Variants in ITGB5 observed in about 807,000 individuals in gnomAD.
ITGB5 encodes integrin beta-5.
Under a neutral mutation model 84.8 loss-of-function variants are expected in ITGB5, and 38 were observed. The ratio of observed to expected loss-of-function variants is 0.45; its 90% confidence interval spans 0.35 to 0.59. ITGB5 has a LOEUF of 0.59. ITGB5 is among the 20% of genes least tolerant of loss of function. The pLI is 0.01. For synonymous variants in ITGB5, 393 were observed against 414.4 expected, an observed-to-expected ratio of 0.95 and a Z score of 0.63; for missense variants, 905 against 1,034.5, an observed-to-expected ratio of 0.87 and a Z score of 1.72.
chr3:124,853,357 A>G (rs571097695), intron 3 of ITGB5, among the ~76,000 whole-genome samples: 2 of 152,262 alleles, frequency 1.3e-5, no homozygotes, highest in Admixed American at 1.3e-4. Context: ...CTAGAACCAA[A>G]TTATTGCCTC....
chr3:124,888,766 T>G (rs1318778920), upstream of ITGB5, among the ~76,000 whole-genome samples: 1 of 152,148 alleles, frequency 6.6e-6, no homozygotes, highest in East Asian at 1.9e-4. Context: ...GTCTCACCTT[T>G]GCAGGCCAGG....
intron 9 of ITGB5, 77 bp downstream of exon 9, chr3:124,808,945 G>T: frequency 6.7e-7 from 1 of 1,492,248 alleles, no homozygotes; most frequent in Non-Finnish European, 9.2e-7. Context: ...CTCTTAATAA[G>T]TCACAAAAGT....
intron 10 of ITGB5, among the ~76,000 whole-genome samples, chr3:124,781,562 T>G (rs1341359574): frequency 6.6e-6 from 1 of 152,174 alleles, no homozygotes; most frequent in Non-Finnish European, 1.5e-5. Context: ...GGATCTCAGC[T>G]TGGGTCCAGG....
intron 6 of ITGB5, 45 bp from the exon 7 acceptor site, chr3:124,819,879 G>T: frequency 7.3e-7 from 1 of 1,368,734 alleles, no homozygotes; most frequent in Non-Finnish European, 1.0e-6. Flanking sequence ...CCTAACAGGT[G>T]TAGATACCAG....
At chr3:124,831,830 A>C (rs1266272835) in intron 5 of ITGB5, among the ~76,000 whole-genome samples, 2 of 152,184 alleles carry the variant, frequency 1.3e-5, no homozygotes, top group Non-Finnish European at 2.9e-5. Context: ...CTGCTGGAAA[A>C]GATCCACCAC....
chr3:124,767,428 G>A (rs1168947110), intron 12 of ITGB5, among the ~76,000 whole-genome samples: 8 of 152,204 alleles, frequency 5.3e-5, no homozygotes, highest in African/African-American at 1.9e-4. Context: ...GGTAAATGAT[G>A]GATTGGAACA....
Position 124,859,232 on chromosome 3 carries a change from G to A in ITGB5, c.361+10C>T. On this transcript the variant is annotated intron_variant, in intron 3 of 14. Coordinates refer to ENST00000296181, the MANE Select transcript of ITGB5 (RefSeq NM_002213.5). ...CCCAGAGCATCCAGCCCTTTCTGTGGGCAACTCACCGGGCCGGAGGTTCAC... is the reference window on the plus strand; with the variant it reads ...CCCAGAGCATCCAGCCCTTTCTGTGAGCAACTCACCGGGCCGGAGGTTCAC... 6.2e-7 allele frequency: 1 copy of A among 1,612,034 alleles called. No individual in the cohort carries two copies. Among genetic ancestry groups the A allele is most frequent in the Non-Finnish European group, 8.5e-7 (1 of 1,178,904 alleles).
chr3:124,813,182 A>AAGCCC (rs1485275389), intron 8 of ITGB5, among the ~76,000 whole-genome samples: 1 of 152,200 alleles, frequency 6.6e-6, no homozygotes, highest in Admixed American at 6.5e-5. Flanking sequence ...AAGGAGCTTG[A>AAGCCC]AGCCCAGCCC....
chr3:124,807,559 G>A (rs1281283712), intron 9 of ITGB5, among the ~76,000 whole-genome samples: 3 of 152,180 alleles, frequency 2.0e-5, no homozygotes, highest in African/African-American at 7.2e-5. Flanking sequence ...CCAGTCATAA[G>A]AGGCTTTCAT....
At chr3:124,781,569 C>T (rs2064005382) in intron 10 of ITGB5, among the ~76,000 whole-genome samples, 1 of 152,160 alleles carries the variant, frequency 6.6e-6, no homozygotes, top group Non-Finnish European at 1.5e-5. Context: ...AGCTTGGGTC[C>T]AGGCACCTCA....
intron 1 of ITGB5, among the ~76,000 whole-genome samples, chr3:124,885,761 A>T (rs1934776324): frequency 6.6e-6 from 1 of 152,206 alleles, no homozygotes; most frequent in Non-Finnish European, 1.5e-5. Context: ...TTATTTTCCC[A>T]TTTAAAACAA....
chr3:124,863,154 G>C (rs1230344897), intron 2 of ITGB5: 1 of 152,102 alleles, frequency 6.6e-6, no homozygotes. Flanking sequence ...CAACTTTGAG[G>C]CATCTTTACC....
In ITGB5 at chr3:124,859,403, C is replaced by T; in HGVS notation, c.200G>A (p.Arg67Lys). 1 of 1,614,094 alleles carries T rather than the reference C, an allele frequency of 6.2e-7. No homozygotes were observed. The highest frequency in any genetic ancestry group is 1.1e-5 in the South Asian group (1 of 91,070). Residue 67 changes from arginine to lysine, a missense_variant, in exon 3 of 15, where the codon AGG becomes AAG. This residue lies in a region of ITGB5 where 656 missense variants were observed against 734.7 expected (regional missense o/e 0.89). Transcript: ENST00000296181. ...PRSITSRCDL[R>K]ANLVKNGCGG... Reference sequence around the variant, plus strand: ...ACAGCCATTTTTGACAAGGTTTGCCCTCAGATCACACCGAGAGGTGATGGA... The same window carrying T: ...ACAGCCATTTTTGACAAGGTTTGCCTTCAGATCACACCGAGAGGTGATGGA...
In ITGB5 at chr3:124,851,767, T is replaced by C. The variant is rs187639995; in HGVS notation, c.362-3209A>G. Among the ~76,000 whole-genome samples the C allele has an allele frequency of 1.2e-3, 188 of 152,254 alleles. 3 individuals are homozygous for C. Among genetic ancestry groups the C allele is most frequent in the Non-Finnish European group, 2.9e-4 (20 of 68,024 alleles). On this transcript the variant is annotated intron_variant, in intron 3 of 14. Coordinates refer to ENST00000296181, the MANE Select transcript of ITGB5 (RefSeq NM_002213.5). Reference sequence around the variant, plus strand: ...GATGTTCAGAATGAGGGTTTATTGCTGCCTCTAATATACTTGATTTTAAAT... The same window carrying C: ...GATGTTCAGAATGAGGGTTTATTGCCGCCTCTAATATACTTGATTTTAAAT...
At chr3:124,775,553 A>AT (rs2063914756) in intron 10 of ITGB5, among the ~76,000 whole-genome samples, 1 of 152,256 alleles carries the variant, frequency 6.6e-6, no homozygotes, top group South Asian at 2.1e-4. Flanking sequence ...TACAATTGGT[A>AT]TTTTTTAAAA....
chr3:124,856,565 T>C (rs1189502720), intron 3 of ITGB5, among the ~76,000 whole-genome samples: 1 of 152,172 alleles, frequency 6.6e-6, no homozygotes, highest in African/African-American at 2.4e-5. Flanking sequence ...CGATTATACA[T>C]ACATTATGAT....
At chr3:124,812,043 G>A (rs1033251307) in intron 8 of ITGB5, among the ~76,000 whole-genome samples, 21 of 152,226 alleles carry the variant, frequency 1.4e-4, no homozygotes, top group Admixed American at 6.5e-4. Flanking sequence ...AGGTTGTATC[G>A]TGGTTGTAAG....
intron 2 of ITGB5, among the ~76,000 whole-genome samples, chr3:124,865,548 G>A (rs1256236111): frequency 1.1e-4 from 14 of 131,354 alleles, no homozygotes; most frequent in Non-Finnish European, 1.8e-4. Context: ...GTGCAGTGAC[G>A]TGATCACCAC....
At chr3:124,851,426 C>T (rs1277645182) in intron 3 of ITGB5, among the ~76,000 whole-genome samples, 1 of 152,124 alleles carries the variant, frequency 6.6e-6, no homozygotes, top group Non-Finnish European at 1.5e-5. Flanking sequence ...AAAATCCTGC[C>T]AGCAACTTGA....
Sources: allele counts gnomAD v4.1 joint callset (sites outside exome capture counted in the v4.1 genomes callset), GRCh38; gene constraint gnomAD v4.1.1; regional missense constraint gnomAD v4.1.1; transcripts MANE v1.5; gene names NCBI Gene and HGNC (gene_info 2026-07-23, HGNC 2026-07-21).